The following DLG2 variants were observed in gnomAD, a reference collection of about 807,000 sequenced individuals.
The protein encoded by DLG2 is disks large homolog 2.
A neutral mutation model predicts 132.5 loss-of-function variants in DLG2; 45 were observed. The ratio of observed to expected loss-of-function variants is 0.34; its 90% CI spans 0.27 to 0.44. The LOEUF is 0.44. Among genes scored for constraint, DLG2 ranks in the 20% least tolerant of loss-of-function variants. DLG2 has a pLI of 1.00. For missense variants in DLG2, 1,045 were observed against 1,196.9 expected, an observed-to-expected ratio of 0.87 and a Z score of 1.87; for synonymous variants, 424 against 419.6, an observed-to-expected ratio of 1.01 and a Z score of -0.13.
At chr11:84,346,559 G>C (rs2098540030) in intron 7 of DLG2, among the ~76,000 whole-genome samples, 1 of 152,150 alleles carries the variant, frequency 6.6e-6, no homozygotes, top group African/African-American at 2.4e-5. Context: ...TTATCTTACT[G>C]ACTGTAATCT....
chr11:85,476,717 C>G (rs999969843), intron 3 of DLG2, among the ~76,000 whole-genome samples: 10 of 152,032 alleles, frequency 6.6e-5, no homozygotes, highest in Admixed American at 5.9e-4. Flanking sequence ...TAGTCTGCCA[C>G]CTGCACATCT....
chr11:84,692,674 C>T (rs1380974963), intron 6 of DLG2, among the ~76,000 whole-genome samples: 1 of 151,602 alleles, frequency 6.6e-6, no homozygotes, highest in African/African-American at 2.4e-5. Context: ...TTGCTAAGAA[C>T]CATCGAAGTG....
intron 24 of DLG2, among the ~76,000 whole-genome samples, chr11:83,469,964 ATTTCACCTAAAT>A (rs148377319): frequency 6.6e-6 from 1 of 152,280 alleles, no homozygotes; most frequent in East Asian, 1.9e-4. Context: ...AACTCTAACC[ATTTCACCTAAAT>A]TTTTTGGTAA....
chr11:83,851,562 G>T (rs959143213), intron 16 of DLG2, among the ~76,000 whole-genome samples: 13 of 150,846 alleles, frequency 8.6e-5, no homozygotes, highest in Admixed American at 4.0e-4. Context: ...GGGAGGCAGA[G>T]GTTGCAGTGA....
At chr11:85,465,055 CAG>C (rs2092735844) in intron 3 of DLG2, among the ~76,000 whole-genome samples, 1 of 96,776 alleles carries the variant, frequency 1.0e-5, no homozygotes, top group African/African-American at 4.1e-5. Flanking sequence ...GCACGGGCAA[CAG>C]TGCAGAACTC....
At chr11:83,777,869 ATAAAC>A (rs1392991685) in intron 18 of DLG2, among the ~76,000 whole-genome samples, 2 of 152,312 alleles carry the variant, frequency 1.3e-5, no homozygotes, top group East Asian at 3.9e-4. Context: ...AGAAGACACA[ATAAAC>A]TAAACTTCAT....
intron 3 of DLG2, among the ~76,000 whole-genome samples, chr11:85,412,764 T>C (rs28711033): frequency 0.14 from 7,387 of 53,384 alleles, 224 homozygotes; most frequent in Admixed American, 0.18. Context: ...CACACACATA[T>C]ATATATATAT....
intron 3 of DLG2, among the ~76,000 whole-genome samples, chr11:85,418,907 A>C (rs568773527): frequency 6.6e-6 from 1 of 152,318 alleles, no homozygotes; most frequent in African/African-American, 2.4e-5. Flanking sequence ...TATGTCTTTT[A>C]ATTGGGGCAT....
intron 6 of DLG2, among the ~76,000 whole-genome samples, chr11:84,951,830 C>T (rs1016957081): frequency 1.3e-5 from 2 of 151,826 alleles, no homozygotes; most frequent in Non-Finnish European, 2.9e-5. Flanking sequence ...ATATGCAGAT[C>T]ATTCTGAAAT....
chr11:83,911,812 T>C (rs558866944), intron 15 of DLG2, among the ~76,000 whole-genome samples: 20 of 152,252 alleles, frequency 1.3e-4, no homozygotes, highest in African/African-American at 3.8e-4. Flanking sequence ...GGAAATAAAA[T>C]GACATTCTTT....
At chr11:84,008,132 T>C (rs186348370) in intron 11 of DLG2, among the ~76,000 whole-genome samples, 4 of 151,944 alleles carry the variant, frequency 2.6e-5, no homozygotes, top group Admixed American at 2.6e-4. Context: ...TCTTATATTT[T>C]ATTTCTCAAA....
intron 19 of DLG2, among the ~76,000 whole-genome samples, chr11:83,628,622 T>C (rs189163768): frequency 1.3e-5 from 2 of 152,324 alleles, no homozygotes; most frequent in African/African-American, 4.8e-5. Context: ...GGTTGACCCA[T>C]AGAAAATGTC....
At chr11:84,178,289 C>T (rs898130891) in intron 8 of DLG2, among the ~76,000 whole-genome samples, 17 of 152,150 alleles carry the variant, frequency 1.1e-4, no homozygotes, top group Non-Finnish European at 2.4e-4. Flanking sequence ...GGTTGCAATA[C>T]TGGCTGGTGC....
chr11:84,000,934 G>A (rs2094313987), intron 11 of DLG2, among the ~76,000 whole-genome samples: 1 of 151,934 alleles, frequency 6.6e-6, no homozygotes, highest in Non-Finnish European at 1.5e-5. Context: ...CACTGGTAAA[G>A]CACACATACA....
chr11:85,412,760 C>CACACATAT (rs756868795), intron 3 of DLG2, among the ~76,000 whole-genome samples: 493 of 113,202 alleles, frequency 4.4e-3, no homozygotes, highest in Non-Finnish European at 6.6e-3. Flanking sequence ...CACACACACA[C>CACACATAT]ATATATATAT....
intron 3 of DLG2, among the ~76,000 whole-genome samples, chr11:85,308,686 T>C (rs1371398283): frequency 6.6e-6 from 1 of 152,166 alleles, no homozygotes; most frequent in Non-Finnish European, 1.5e-5. Flanking sequence ...TAATAAATTA[T>C]CTTCAATTAA....
chr11:85,087,490 G>T (rs1421797781), intron 6 of DLG2, among the ~76,000 whole-genome samples: 2 of 152,234 alleles, frequency 1.3e-5, no homozygotes, highest in African/African-American at 4.8e-5. Context: ...AGAAAACCAT[G>T]TGGCTAAACC....
intron 3 of DLG2, among the ~76,000 whole-genome samples, chr11:85,383,285 G>A (rs187351382): frequency 1.4e-4 from 22 of 152,240 alleles, no homozygotes; most frequent in Admixed American, 5.9e-4. Flanking sequence ...TGTACAGAAA[G>A]TAGATTAGTA....
At chr11:84,957,530 C>G (rs577169642) in intron 6 of DLG2, among the ~76,000 whole-genome samples, 1 of 152,192 alleles carries the variant, frequency 6.6e-6, no homozygotes, top group Non-Finnish European at 1.5e-5. Flanking sequence ...GAGGCCAGTT[C>G]TTTTGAGGCC....
Sources: allele counts gnomAD v4.1 joint callset (sites outside exome capture counted in the v4.1 genomes callset), GRCh38; gene constraint gnomAD v4.1.1; transcripts MANE v1.5; gene names NCBI Gene and HGNC (gene_info 2026-07-23, HGNC 2026-07-21).